Variants in PKP1 observed in about 807,000 individuals in gnomAD.
PKP1 encodes plakophilin-1.
Under a neutral mutation model 76.4 loss-of-function variants are expected in PKP1, and 27 were observed. The observed-to-expected ratio is 0.35, with a 90% CI of 0.26 to 0.49. The LOEUF is 0.49. Ranked by LOEUF, PKP1 falls within the 20% of genes least tolerant of loss-of-function variation. PKP1 has a pLI of 0.99. For synonymous variants in PKP1, 404 were observed against 384.2 expected (o/e 1.05, Z -0.60); for missense variants, 964 against 955.2 (o/e 1.01, Z -0.12).
chr1:201,312,551 C>A (rs1299834194), intron 2 of PKP1, among the ~76,000 whole-genome samples: 1 of 152,178 alleles, frequency 6.6e-6, no homozygotes, highest in Non-Finnish European at 1.5e-5. Context: ...GTAATAAATG[C>A]GAAGGATTGT....
At chr1:201,285,562 A>T (rs1410156609) in intron 1 of PKP1, among the ~76,000 whole-genome samples, 1 of 152,106 alleles carries the variant, frequency 6.6e-6, no homozygotes, top group Non-Finnish European at 1.5e-5. Context: ...GGAATAACAA[A>T]GTGCCCCCAT....
chr1:201,309,897 T>A (rs1370435888), intron 2 of PKP1, among the ~76,000 whole-genome samples: 2 of 152,216 alleles, frequency 1.3e-5, no homozygotes, highest in African/African-American at 4.8e-5. Flanking sequence ...AGCACCCAAG[T>A]AAAGAAACAC....
intron 2 of PKP1, among the ~76,000 whole-genome samples, chr1:201,295,594 T>C (rs1382671218): frequency 6.6e-6 from 1 of 152,222 alleles, no homozygotes; most frequent in Non-Finnish European, 1.5e-5. Context: ...ATGCTGACAG[T>C]ACAGATGGTA....
In PKP1 at chr1:201,316,713, C is replaced by A; in HGVS notation, c.846+16C>A. On this transcript the variant is annotated intron_variant, in intron 4 of 13. Coordinates refer to ENST00000367324, the MANE Select transcript of PKP1 (RefSeq NM_001005337.3). ...CAAGCAACAGGTAGCTGGTTGCATA[C>A]CTTCCTCCTTGGTGGGCCTGCGGAG... is the stretch of plus-strand genomic sequence containing the variant. 2 of 1,613,262 alleles carry A rather than the reference C, an allele frequency of 1.2e-6. No individual in the cohort carries two copies. The highest frequency in any genetic ancestry group is 1.7e-6 in the Non-Finnish European group (2 of 1,179,918).
chr1:201,306,416 G>A (rs1192726421), intron 2 of PKP1, among the ~76,000 whole-genome samples: 1 of 152,214 alleles, frequency 6.6e-6, no homozygotes, highest in Non-Finnish European at 1.5e-5. Flanking sequence ...GAGCCCAAGA[G>A]GCTAAGATGC....
At chr1:201,298,768 C>G (rs1350116181) in intron 2 of PKP1, among the ~76,000 whole-genome samples, 1 of 152,238 alleles carries the variant, frequency 6.6e-6, no homozygotes, top group African/African-American at 2.4e-5. Flanking sequence ...TTTCTTCCAG[C>G]TTCTTCTCAG....
chr1:201,286,101 A>G (rs1048549905), intron 1 of PKP1, among the ~76,000 whole-genome samples: 2 of 151,956 alleles, frequency 1.3e-5, no homozygotes, highest in Non-Finnish European at 2.9e-5. Context: ...AACGTCCCCT[A>G]TTTGCTCTGC....
At chr1:201,302,993 G>A (rs1416544449) in intron 2 of PKP1, among the ~76,000 whole-genome samples, 2 of 152,220 alleles carry the variant, frequency 1.3e-5, no homozygotes, top group African/African-American at 2.4e-5. Context: ...CTGGAGCATG[G>A]TCTCCTGACT....
intron 2 of PKP1, among the ~76,000 whole-genome samples, chr1:201,304,303 CTAGTCCCTGTT>C (rs1050049911): frequency 9.2e-5 from 14 of 152,228 alleles, no homozygotes; most frequent in African/African-American, 3.4e-4. Flanking sequence ...AGCTTTAACA[CTAGTCCCTGTT>C]TTCTCAGCCC....
In PKP1 at chr1:201,294,032, C is replaced by T. The variant is rs1209186439; in HGVS notation, c.293C>T (p.Ser98Leu). The T allele has an allele frequency of 6.2e-7, 1 of 1,609,270 alleles. No individual in the cohort carries two copies. The highest frequency in any genetic ancestry group is 8.5e-7 in the Non-Finnish European group (1 of 1,175,728). The part of the protein sequence containing the change: ...YYSKFQAGNG[S>L]WGYPIYNGTL... The stretch of plus-strand genomic sequence containing the variant: ...TCCAAGTTCCAGGCAGGGAATGGCT[C>T]ATGGGGATATCCGGTAAGGAACTGC... The change falls in exon 2 of 14, where the codon TCA (serine) becomes TTA (leucine). Residue 98 changes from serine to leucine, a missense_variant. Transcript: ENST00000367324.
chr1:201,296,967 A>G (rs1233689643), intron 2 of PKP1, among the ~76,000 whole-genome samples: 1 of 152,184 alleles, frequency 6.6e-6, no homozygotes, highest in Non-Finnish European at 1.5e-5. Flanking sequence ...TACATATCTC[A>G]TTTAAATATG....
rs1272230675 is a variant in PKP1 at position 201,321,985 on chromosome 1, A to C, written c.1355A>C (p.Glu452Ala). 6.2e-7 allele frequency: 1 copy of C among 1,613,922 alleles called. No homozygotes were observed. Among genetic ancestry groups the C allele is most frequent in the Non-Finnish European group, 8.5e-7 (1 of 1,179,982 alleles). ...CCTCTCCTTGGTCCCCAGTCTGTGG[A>C]AAACTGCATGTGTGTTCTGCACAAC... ...AASRCDDKSV[E>A]NCMCVLHNLS... Residue 452 changes from glutamate (E) to alanine (A), a missense_variant, in exon 8 of 14, where the codon GAA (glutamate) becomes GCA (alanine). Glu to Ala is a moderately radical substitution (Grantham distance 107). Transcript: ENST00000367324.
At chr1:201,293,342 G>A (rs1230118148) in intron 1 of PKP1, among the ~76,000 whole-genome samples, 1 of 152,146 alleles carries the variant, frequency 6.6e-6, no homozygotes, top group Non-Finnish European at 1.5e-5. Context: ...GGGTCTCCAA[G>A]CACTCCGAAA....
chr1:201,306,140 T>G (rs1656359029), intron 2 of PKP1, among the ~76,000 whole-genome samples: 1 of 152,130 alleles, frequency 6.6e-6, no homozygotes, highest in African/African-American at 2.4e-5. Context: ...ATCCTAGCAG[T>G]GTTCAGAGCT....
intron 1 of PKP1, 134 bp from the exon 2 acceptor site, chr1:201,293,808 C>A: frequency 1.4e-6 from 1 of 709,294 alleles, no homozygotes; most frequent in East Asian, 2.7e-5. Context: ...CATTCCCCAC[C>A]TTCTCCTCCA....
rs1657287779 is a variant in PKP1 at position 201,330,585 on chromosome 1, G to A, written c.*544G>A. The stretch of plus-strand genomic sequence containing the variant: ...GGCCATCACTGCAGTCAGGCCCTCA[G>A]AGGAGTCCTGCAGGCTTCCTACCAG... On this transcript the variant is annotated 3_prime_UTR_variant, in exon 14 of 14. Coordinates refer to ENST00000367324, the MANE Select transcript of PKP1 (RefSeq NM_001005337.3). 6.6e-6 allele frequency: 1 copy of A among 152,280 alleles called. No homozygotes were observed. Among genetic ancestry groups the A allele is most frequent in the Admixed American group, 6.5e-5 (1 of 15,288 alleles). 9.4% of individuals were successfully genotyped at this position (152,280 alleles called of 1,614,324 possible). A position where few individuals can be genotyped will look rare whatever the true frequency, so the allele number is the denominator to read the frequency against.
intron 2 of PKP1, among the ~76,000 whole-genome samples, chr1:201,312,749 C>A (rs1338524825): frequency 1.3e-5 from 2 of 152,182 alleles, no homozygotes; most frequent in Non-Finnish European, 2.9e-5. Flanking sequence ...ATACACCTTT[C>A]CTGGGCTGTC....
chr1:201,292,596 G>C (rs1283738525), intron 1 of PKP1, among the ~76,000 whole-genome samples: 13 of 152,192 alleles, frequency 8.5e-5, no homozygotes, highest in Non-Finnish European at 2.9e-5. Flanking sequence ...TCCCAGCTCA[G>C]ATATTCCAGC....
rs1046970 is a variant in PKP1 at position 201,332,778 on chromosome 1, C to G, written c.*2737C>G. 0.84 allele frequency: 127,802 copies of G among 152,252 alleles called. 53,690 individuals are homozygous for G. The highest frequency in any genetic ancestry group is 0.9 in the South Asian group (4,334 of 4,812). 9.4% of individuals were successfully genotyped at this position (152,252 alleles called of 1,614,324 possible). A position where few individuals can be genotyped will look rare whatever the true frequency, so the allele number is the denominator to read the frequency against. ...CTTGGAATCTGGCTGAACTGGCTGGCAGGACCAAGACTGCGGCTGGGGTGG... is the reference window on the plus strand; with the variant it reads ...CTTGGAATCTGGCTGAACTGGCTGGGAGGACCAAGACTGCGGCTGGGGTGG... On this transcript the variant is annotated 3_prime_UTR_variant, in exon 14 of 14. Coordinates refer to ENST00000367324, the MANE Select transcript of PKP1 (RefSeq NM_001005337.3).
Sources: allele counts gnomAD v4.1 joint callset (sites outside exome capture counted in the v4.1 genomes callset), GRCh38; gene constraint gnomAD v4.1.1; transcripts MANE v1.5; gene names NCBI Gene and HGNC (gene_info 2026-07-23, HGNC 2026-07-21).